Variants in NOL4 observed in about 807,000 individuals in gnomAD.
NOL4 encodes nucleolar protein 4.
In NOL4, 17 loss-of-function variants were observed where a neutral mutation model predicts 75.9. The ratio of observed to expected loss-of-function variants is 0.22; its 90% CI spans 0.15 to 0.34. NOL4 has a LOEUF of 0.34. Ranked by LOEUF, NOL4 falls within the 10% of genes least tolerant of loss-of-function variation. The probability of loss-of-function intolerance (pLI) is 1.00; values close to 1 mark genes in which losing one functional copy is unlikely to be tolerated. For missense variants in NOL4, 614 were observed against 793.5 expected, an observed-to-expected ratio of 0.77 and a Z score of 2.72; for synonymous variants, 292 against 289.9, an observed-to-expected ratio of 1.01 and a Z score of -0.07.
chr18:34,223,597 T>C lies in NOL4; in HGVS notation c.-344A>G, dbSNP rs2037464418. On this transcript the variant is annotated 5_prime_UTR_variant, in exon 1 of 11. Coordinates refer to ENST00000261592, the MANE Select transcript of NOL4 (RefSeq NM_003787.5). The stretch of plus-strand genomic sequence containing the variant: ...GGAGCTGGGTTTTCAATAATTAAAA[T>C]CCCATTCCTTGGTTTATTAAAAATC... 3.9e-6 allele frequency: 1 copy of C among 259,318 alleles called. No homozygotes were observed. Among genetic ancestry groups the C allele is most frequent in the African/African-American group, 2.2e-5 (1 of 44,970 alleles). The allele number at this position is 259,318 out of a possible 1,614,324, so 16.1% of individuals were successfully genotyped here. A position where few individuals can be genotyped will look rare whatever the true frequency, so the allele number is the denominator to read the frequency against.
chr18:33,887,475 G>GT (rs1446716705), intron 9 of NOL4, among the ~76,000 whole-genome samples: 3 of 150,930 alleles, frequency 2.0e-5, no homozygotes, highest in Non-Finnish European at 4.4e-5. Flanking sequence ...CAATGTGCAG[G>GT]TTTGTTCCAT....
At chr18:34,036,257 C>A (rs188467665) in intron 5 of NOL4, among the ~76,000 whole-genome samples, 253 of 151,954 alleles carry the variant, frequency 1.7e-3, no homozygotes, top group African/African-American at 5.6e-3. Flanking sequence ...AACAGCATAT[C>A]AAAAAGATAA....
chr18:34,160,089 AG>A (rs1316934317), intron 1 of NOL4, among the ~76,000 whole-genome samples: 1 of 152,170 alleles, frequency 6.6e-6, no homozygotes, highest in Non-Finnish European at 1.5e-5. Flanking sequence ...CAGGCGGAGA[AG>A]GGTGTCTTTT....
At chr18:34,126,458 A>G (rs994775453) in intron 2 of NOL4, among the ~76,000 whole-genome samples, 1 of 152,150 alleles carries the variant, frequency 6.6e-6, no homozygotes, top group African/African-American at 2.4e-5. Flanking sequence ...GTATGTGTGT[A>G]TGTGTTTATA....
intron 10 of NOL4, among the ~76,000 whole-genome samples, chr18:33,860,994 A>G (rs2063097112): frequency 6.6e-6 from 1 of 152,174 alleles, no homozygotes; most frequent in Non-Finnish European, 1.5e-5. Context: ...TCACTTGATC[A>G]TAGTGGATAA....
chr18:34,060,406 GCTTAA>G (rs754819983), intron 5 of NOL4, among the ~76,000 whole-genome samples: 74 of 152,134 alleles, frequency 4.9e-4, no homozygotes, highest in Non-Finnish European at 8.7e-4. Flanking sequence ...GAATCAACTG[GCTTAA>G]CTTATTTACA....
chr18:34,157,417 G>A (rs1019273526), intron 1 of NOL4, among the ~76,000 whole-genome samples: 1 of 152,080 alleles, frequency 6.6e-6, no homozygotes, highest in African/African-American at 2.4e-5. Context: ...ATTTTGGATA[G>A]GAAAATAGTT....
chr18:34,078,411 C>T (rs140009233), intron 5 of NOL4, among the ~76,000 whole-genome samples: 20 of 152,234 alleles, frequency 1.3e-4, no homozygotes, highest in East Asian at 7.7e-4. Flanking sequence ...CTTTAAGCAA[C>T]GCCATTTCTG....
chr18:33,974,147 A>C (rs1025772160), intron 6 of NOL4, among the ~76,000 whole-genome samples: 2 of 152,162 alleles, frequency 1.3e-5, no homozygotes, highest in Non-Finnish European at 2.9e-5. Flanking sequence ...TTTCTACATC[A>C]GCATTCGTTG....
intron 1 of NOL4, among the ~76,000 whole-genome samples, chr18:34,169,540 A>G (rs574165054): frequency 3.3e-5 from 5 of 152,154 alleles, no homozygotes; most frequent in East Asian, 3.9e-4. Flanking sequence ...TGAACATCCA[A>G]TTGAAAGTCA....
At chr18:34,132,844 T>C (rs2145922840) in intron 1 of NOL4, among the ~76,000 whole-genome samples, 1 of 151,934 alleles carries the variant, frequency 6.6e-6, no homozygotes, top group Non-Finnish European at 1.5e-5. Flanking sequence ...ACATATAAGT[T>C]AACCCCAATT....
chr18:34,122,076 T>G (rs1338547759), intron 2 of NOL4, among the ~76,000 whole-genome samples: 2 of 152,172 alleles, frequency 1.3e-5, no homozygotes, highest in African/African-American at 2.4e-5. Flanking sequence ...AAATTTCCTG[T>G]TCCAAATTCC....
At chr18:33,935,253 C>T (rs544223134) in intron 9 of NOL4, among the ~76,000 whole-genome samples, 23 of 152,218 alleles carry the variant, frequency 1.5e-4, no homozygotes, top group African/African-American at 5.5e-4. Flanking sequence ...GCTTTAGGCC[C>T]ATCTCGGCTT....
At chr18:34,207,241 G>A (rs571023819) in intron 1 of NOL4, among the ~76,000 whole-genome samples, 1 of 151,848 alleles carries the variant, frequency 6.6e-6, no homozygotes, top group Non-Finnish European at 1.5e-5. Flanking sequence ...CCTTTTCATT[G>A]TTTTTATATG....
intron 1 of NOL4, among the ~76,000 whole-genome samples, chr18:34,201,251 T>G (rs2035719842): frequency 6.6e-6 from 1 of 151,898 alleles, no homozygotes; most frequent in Admixed American, 6.6e-5. Context: ...TTCTAAGTAT[T>G]TTAAGATATT....
At position 34,080,804 on chromosome 18, in the gene NOL4, T is replaced by C. The variant is rs184466347; in HGVS notation, c.772+12661A>G. Among the ~76,000 whole-genome samples, 313 of 152,294 alleles carry C rather than the reference T, an allele frequency of 2.1e-3. 3 individuals carry two copies. Among genetic ancestry groups the C allele is most frequent in the South Asian group, 6.4e-3 (31 of 4,826 alleles). ...AATGGCAAAAAGAAGCACAGTTTAA[T>C]GGAAAGAAAATAAAATGTAAGGTTT... On this transcript the variant is annotated intron_variant, in intron 5 of 10. Transcript: ENST00000261592.
At chr18:33,915,545 C>A (rs193143714) in intron 9 of NOL4, among the ~76,000 whole-genome samples, 1 of 151,782 alleles carries the variant, frequency 6.6e-6, no homozygotes, top group East Asian at 1.9e-4. Context: ...AGGCGAGAGG[C>A]GATGGGATGC....
intron 1 of NOL4, among the ~76,000 whole-genome samples, chr18:34,183,822 G>A (rs1020942382): frequency 3.3e-5 from 5 of 151,794 alleles, no homozygotes; most frequent in Non-Finnish European, 7.4e-5. Context: ...TCTACAAAAA[G>A]GAAGAATGAG....
chr18:33,903,980 T>C (rs1488435394), intron 9 of NOL4, among the ~76,000 whole-genome samples: 1 of 152,152 alleles, frequency 6.6e-6, no homozygotes, highest in Non-Finnish European at 1.5e-5. Flanking sequence ...GTTCAAACTC[T>C]CCAAATCAAA....
Sources: gnomAD v4.1 joint callset for allele counts (sites outside exome capture counted in the v4.1 genomes callset) on GRCh38, gnomAD v4.1.1 for gene constraint, MANE v1.5 for transcripts, NCBI Gene and HGNC (gene_info 2026-07-23, HGNC 2026-07-21) for gene names.